The following MYO16 variants were observed in gnomAD, a reference collection of about 807,000 sequenced individuals.
The protein encoded by MYO16 is unconventional myosin-XVI.
In MYO16, 94 loss-of-function variants were observed where a neutral mutation model predicts 205.3. That is an observed-to-expected ratio of 0.46 (90% CI 0.39 to 0.54). The LOEUF is 0.54. MYO16 is among the 20% of genes least tolerant of loss of function. MYO16 has a pLI of 0.00. For missense variants in MYO16, 2,315 were observed against 2,387.5 expected, an observed-to-expected ratio of 0.97 and a Z score of 0.63; for synonymous variants, 988 against 954.0, an observed-to-expected ratio of 1.04 and a Z score of -0.66.
intron 1 of MYO16, among the ~76,000 whole-genome samples, chr13:108,598,675 T>A (rs1278681376): frequency 2.0e-5 from 3 of 152,156 alleles, no homozygotes; most frequent in African/African-American, 7.2e-5. Context: ...TGAATTCTTA[T>A]GTGATTTGTA....
intron 6 of MYO16, among the ~76,000 whole-genome samples, chr13:108,796,722 A>T (rs796283156): frequency 7.1e-6 from 1 of 141,032 alleles, no homozygotes; most frequent in South Asian, 2.4e-4. Context: ...AATAATGAGA[A>T]CACATGGACA....
At chr13:108,952,247 A>G (rs1383543676) in intron 16 of MYO16, among the ~76,000 whole-genome samples, 1 of 152,190 alleles carries the variant, frequency 6.6e-6, no homozygotes, top group East Asian at 1.9e-4. Context: ...CTTTTTCTGT[A>G]AATGAAATGT....
intron 5 of MYO16, among the ~76,000 whole-genome samples, chr13:108,792,285 T>C (rs1886639317): frequency 1.3e-5 from 2 of 152,156 alleles, no homozygotes; most frequent in South Asian, 4.1e-4. Context: ...TCATGAAATG[T>C]TCAACTGATG....
chr13:108,898,512 C>T (rs968317291), intron 15 of MYO16, among the ~76,000 whole-genome samples: 1 of 151,918 alleles, frequency 6.6e-6, no homozygotes, highest in Non-Finnish European at 1.5e-5. Context: ...GAAACCAAAC[C>T]CAGACCAAAC....
At chr13:109,001,308 C>T (rs1257753790) in intron 21 of MYO16, among the ~76,000 whole-genome samples, 1 of 152,080 alleles carries the variant, frequency 6.6e-6, no homozygotes, top group Admixed American at 6.6e-5. Flanking sequence ...AATGTGTGCC[C>T]AGTCCACTTC....
chr13:108,568,040 T>G, the MYO16 span, among the ~76,000 whole-genome samples: 1 of 152,190 alleles, frequency 6.6e-6, no homozygotes, highest in Non-Finnish European at 1.5e-5. Flanking sequence ...GATCAGTACT[T>G]CATTTGTTTT....
At chr13:109,107,140 A>T (rs1349637813) in intron 28 of MYO16, among the ~76,000 whole-genome samples, 2 of 152,186 alleles carry the variant, frequency 1.3e-5, no homozygotes, top group Non-Finnish European at 2.9e-5. Context: ...AGAGACAGAG[A>T]GAGAGGCTCT....
chr13:108,928,870 A>G (rs1426896157), intron 16 of MYO16, among the ~76,000 whole-genome samples: 1 of 152,202 alleles, frequency 6.6e-6, no homozygotes, highest in East Asian at 1.9e-4. Context: ...TATTTTAAAA[A>G]TGGCCATATT....
chr13:109,046,686 A>T (rs1387873529), intron 23 of MYO16, among the ~76,000 whole-genome samples: 3 of 152,196 alleles, frequency 2.0e-5, no homozygotes, highest in Non-Finnish European at 2.9e-5. Context: ...CTTGGCAATC[A>T]AAGGAGACCT....
At chr13:108,830,967 A>G (rs1257644692) in intron 9 of MYO16, among the ~76,000 whole-genome samples, 1 of 152,138 alleles carries the variant, frequency 6.6e-6, no homozygotes, top group African/African-American at 2.4e-5. Flanking sequence ...TGTTTCTGTT[A>G]GTAATAATAT....
At chr13:108,524,825 GA>G in the MYO16 span, among the ~76,000 whole-genome samples, 1 of 152,110 alleles carries the variant, frequency 6.6e-6, no homozygotes, top group South Asian at 2.1e-4. Context: ...AGAAATAAGA[GA>G]AAAAAACAAA....
intron 4 of MYO16, among the ~76,000 whole-genome samples, chr13:108,740,031 A>G (rs1884847225): frequency 6.6e-6 from 1 of 152,120 alleles, no homozygotes; most frequent in Non-Finnish European, 1.5e-5. Context: ...CTAGTTAGCC[A>G]TTCGTCTAAT....
Position 108,665,973 on chromosome 13 carries a change from A to G in MYO16, c.116A>G (p.Gln39Arg), listed in dbSNP as rs1881707047. ...GAGTCCCTTCCCCTTGGCCAACGGCAGCGTCTAGTGAAGCGCATGCGCTGT... is the reference window on the plus strand; with the variant it reads ...GAGTCCCTTCCCCTTGGCCAACGGCGGCGTCTAGTGAAGCGCATGCGCTGT... The part of the protein sequence containing the change: ...LLESLPLGQR[Q>R]RLVKRMRCEQ... Residue 39 changes from glutamine to arginine, a missense_variant, in exon 2 of 35, where the codon CAG becomes CGG. This residue lies in a region of MYO16 where 1,213 missense variants were observed against 1,274.4 expected (regional missense o/e 0.95). Transcript: ENST00000457511. 3 of 1,614,018 alleles carry G rather than the reference A, an allele frequency of 1.9e-6. No homozygotes were observed. The highest frequency in any genetic ancestry group is 3.3e-5 in the Admixed American group (2 of 59,994).
chr13:108,817,526 C>T (rs199882857), intron 7 of MYO16, among the ~76,000 whole-genome samples: 1 of 152,078 alleles, frequency 6.6e-6, no homozygotes, highest in African/African-American at 2.4e-5. Context: ...CACAGTGGGA[C>T]GGGGGGAACT....
chr13:108,864,510 G>A (rs1322138093), intron 11 of MYO16, among the ~76,000 whole-genome samples: 2 of 151,998 alleles, frequency 1.3e-5, no homozygotes, highest in Non-Finnish European at 2.9e-5. Flanking sequence ...TACAACATGA[G>A]TTTTGTTTGG....
intron 23 of MYO16, among the ~76,000 whole-genome samples, chr13:109,036,136 G>A (rs1886709792): frequency 6.6e-6 from 1 of 152,194 alleles, no homozygotes; most frequent in Admixed American, 6.5e-5. Context: ...CCCAGCTCCA[G>A]CCAACCCCTG....
intron 20 of MYO16, among the ~76,000 whole-genome samples, chr13:108,977,683 C>A (rs1884312779): frequency 6.6e-6 from 1 of 152,084 alleles, no homozygotes; most frequent in Admixed American, 6.6e-5. Flanking sequence ...ATTCGATGAT[C>A]CCTTCCCTGT....
chr13:108,853,122 C>T (rs559189112), intron 10 of MYO16, among the ~76,000 whole-genome samples: 13 of 152,294 alleles, frequency 8.5e-5, no homozygotes, highest in African/African-American at 2.2e-4. Flanking sequence ...AGGGCTACGC[C>T]GAAGGCAGCA....
chr13:108,778,273 C>T (rs1886187381), intron 4 of MYO16, among the ~76,000 whole-genome samples: 2 of 152,180 alleles, frequency 1.3e-5, no homozygotes, highest in Non-Finnish European at 2.9e-5. Context: ...CACAGGAGGT[C>T]AAGCTGCTTC....
Sources: gnomAD v4.1 joint callset for allele counts (sites outside exome capture counted in the v4.1 genomes callset) on GRCh38, gnomAD v4.1.1 for gene constraint, gnomAD v4.1.1 regional missense constraint, MANE v1.5 for transcripts, NCBI Gene and HGNC (gene_info 2026-07-23, HGNC 2026-07-21) for gene names.